CD1B: variants seen among roughly 807,000 people sequenced by gnomAD.
CD1B encodes the protein T-cell surface glycoprotein CD1b.
A neutral mutation model predicts 39.8 loss-of-function variants in CD1B; 43 were observed. That is an observed-to-expected ratio of 1.08 (90% CI 0.85 to 1.39). The LOEUF is 1.39. Among genes scored for constraint, CD1B ranks in the 40% most tolerant of loss-of-function variants. CD1B has a pLI of 0.00. For missense variants in CD1B, 495 were observed against 403.8 expected (o/e 1.23, Z -1.94); for synonymous variants, 192 against 152.5 (o/e 1.26, Z -1.91).
the CD1B span, among the ~76,000 whole-genome samples, chr1:158,317,084 A>G: frequency 3.3e-5 from 5 of 151,986 alleles, no homozygotes; most frequent in African/African-American, 1.2e-4. Context: ...GGATTTTTGC[A>G]TCAATGTTCA....
At chr1:158,296,262 G>T in the CD1B span, among the ~76,000 whole-genome samples, 1 of 152,002 alleles carries the variant, frequency 6.6e-6, no homozygotes, top group Non-Finnish European at 1.5e-5. Flanking sequence ...CAGTCTCAAG[G>T]GGCCAAAGAA....
rs1194141201 is a variant in CD1B at position 158,330,074 on chromosome 1, C to CTA, written c.383_384dup (p.Val129Ter). 1 of 1,613,786 alleles carries CTA rather than the reference C, an allele frequency of 6.2e-7. No homozygotes were observed. The highest frequency in any genetic ancestry group is 8.5e-7 in the Non-Finnish European group (1 of 1,179,858). On this transcript the variant is annotated frameshift_variant, in exon 3 of 6. Transcript: ENST00000368168. LOFTEE classifies it high-confidence loss of function. Reference sequence around the variant, plus strand: ...CCTAGAGCTCCCCTCAGGAAGCTTACTATGGCACCTCCAGAATGTAGCTCA... The same window carrying CTA: ...CCTAGAGCTCCCCTCAGGAAGCTTACTATATGGCACCTCCAGAATGTAGCTCA...
rs780075524 is a variant in CD1B, at chr1:158,330,692, TA to T, written c.328+103del. On this transcript the variant is annotated intron_variant, in intron 2 of 5. Transcript: ENST00000368168. Reference sequence around the variant, plus strand: ...AGAAAAGCATGTGCGTGCATTTGGGTAAAATAGAAAGGAAGGGAGAAGCATC... The same window carrying T: ...AGAAAAGCATGTGCGTGCATTTGGGTAAATAGAAAGGAAGGGAGAAGCATC... The T allele has an allele frequency of 2.6e-6, 3 of 1,165,734 alleles. No homozygotes were observed. In the African/African-American group the frequency reaches 4.5e-5, roughly 18 times the overall value. The allele number at this position is 1,165,734 out of a possible 1,614,324, so 72.2% of individuals were successfully genotyped here.
At chr1:158,291,253 G>T in the CD1B span, 1 of 1,613,976 alleles carries the variant, frequency 6.2e-7, no homozygotes, top group African/African-American at 1.3e-5. Context: ...CTGGGACAGT[G>T]AATCAGGCAC....
chr1:158,318,977 T>C, the CD1B span, among the ~76,000 whole-genome samples: 1 of 152,136 alleles, frequency 6.6e-6, no homozygotes, highest in Non-Finnish European at 1.5e-5. Flanking sequence ...TCTTTAAGAA[T>C]GTTGAATATT....
the CD1B span, chr1:158,293,128 T>C: frequency 9.1e-7 from 1 of 1,097,760 alleles, no homozygotes; most frequent in Non-Finnish European, 1.4e-6. Flanking sequence ...ATCCAATGCA[T>C]ATGTTAAGTA....
At chr1:158,304,533 G>A in the CD1B span, among the ~76,000 whole-genome samples, 3 of 152,282 alleles carry the variant, frequency 2.0e-5, no homozygotes, top group Admixed American at 2.0e-4. Context: ...CCAAACCAAA[G>A]GCAGCAGAAT....
chr1:158,299,687 A>T, the CD1B span, among the ~76,000 whole-genome samples: 2 of 152,136 alleles, frequency 1.3e-5, no homozygotes, highest in Admixed American at 1.3e-4. Context: ...CTATTCAGAG[A>T]TTCAACTTCT....
downstream of CD1B, among the ~76,000 whole-genome samples, chr1:158,323,762 G>T (rs973021425): frequency 2.0e-5 from 3 of 152,058 alleles, no homozygotes; most frequent in African/African-American, 7.2e-5. Context: ...GGTTGGCATG[G>T]AGCCCTTATG....
chr1:158,297,181 A>C, the CD1B span, among the ~76,000 whole-genome samples: 4 of 152,340 alleles, frequency 2.6e-5, no homozygotes, highest in South Asian at 8.3e-4. Flanking sequence ...TGAAAGAAAA[A>C]AATACTAAAG....
chr1:158,295,697 T>C, the CD1B span, among the ~76,000 whole-genome samples: 1 of 151,848 alleles, frequency 6.6e-6, no homozygotes, highest in Non-Finnish European at 1.5e-5. Context: ...ACCCCATGTC[T>C]GCTGGCCTCT....
chr1:158,305,698 A>T, the CD1B span, among the ~76,000 whole-genome samples: 3 of 152,248 alleles, frequency 2.0e-5, no homozygotes, highest in African/African-American at 4.8e-5. Context: ...GGGGTTACCC[A>T]CAAAGGGAAG....
At chr1:158,305,913 C>A in the CD1B span, among the ~76,000 whole-genome samples, 1 of 152,192 alleles carries the variant, frequency 6.6e-6, no homozygotes, top group Non-Finnish European at 1.5e-5. Context: ...GCCTGCCCTA[C>A]AAGAGCTCCC....
chr1:158,318,674 A>G, the CD1B span, among the ~76,000 whole-genome samples: 1 of 152,082 alleles, frequency 6.6e-6, no homozygotes, highest in Admixed American at 6.6e-5. Flanking sequence ...TTTAAAGTTA[A>G]TATTGTTATG....
chr1:158,324,272 C>T (rs1221074417), downstream of CD1B, among the ~76,000 whole-genome samples: 1 of 152,178 alleles, frequency 6.6e-6, no homozygotes, highest in Non-Finnish European at 1.5e-5. Context: ...TATCCAGGTG[C>T]TGGTCTGCAA....
At position 158,330,972 on chromosome 1, in the gene CD1B, T is replaced by G; in HGVS notation, c.152A>C (p.Asp51Ala). The G allele has an allele frequency of 6.2e-7, 1 of 1,614,084 alleles. No individual in the cohort carries two copies. Among genetic ancestry groups the G allele is most frequent in the Non-Finnish European group, 8.5e-7 (1 of 1,179,998 alleles). Residue 51 changes from aspartate to alanine, a missense_variant, in exon 2 of 6, where the codon GAT (aspartate) becomes GCT (alanine). By Grantham distance (126) the Asp-to-Ala change is moderately radical (BLOSUM62 -2). Transcript: ENST00000368168. ...ATCCCAGCCATGAATCTGCAAATCATCCAACCAGCCTGAGCCTTGAGTTTG... is the reference window on the plus strand; with the variant it reads ...ATCCCAGCCATGAATCTGCAAATCAGCCAACCAGCCTGAGCCTTGAGTTTG... ...WAQTQGSGWLDDLQIHGWDSD... is the reference protein window; with the variant it reads ...WAQTQGSGWLADLQIHGWDSD...
chr1:158,330,263 T>C (rs1178795444), intron 2 of CD1B, 133 bp from the exon 3 acceptor site: 2 of 798,224 alleles, frequency 2.5e-6, no homozygotes, highest in Non-Finnish European at 4.1e-6. Flanking sequence ...TAAAAACTAA[T>C]GATAACATTT....
At chr1:158,315,797 C>T in the CD1B span, among the ~76,000 whole-genome samples, 5 of 152,008 alleles carry the variant, frequency 3.3e-5, no homozygotes, top group South Asian at 2.1e-4. Flanking sequence ...TTAGCTCTAA[C>T]GTTTAAGTCT....
At chr1:158,307,143 C>A in the CD1B span, among the ~76,000 whole-genome samples, 2 of 152,232 alleles carry the variant, frequency 1.3e-5, no homozygotes, top group East Asian at 1.9e-4. Flanking sequence ...AATCCAGGAG[C>A]TGCTTTTTTG....
Sources: allele counts gnomAD v4.1 joint callset (sites outside exome capture counted in the v4.1 genomes callset), GRCh38; gene constraint gnomAD v4.1.1; transcripts MANE v1.5; gene names NCBI Gene and HGNC (gene_info 2026-07-23, HGNC 2026-07-21).